Variants in EYA2 observed in about 807,000 individuals in gnomAD.
The protein encoded by EYA2 is protein phosphatase EYA2.
EYA2 carries 31 observed loss-of-function variants against 69.2 expected under a neutral mutation model. The observed-to-expected ratio is 0.45, with a 90% CI of 0.34 to 0.60. The LOEUF is 0.60. Ranked by LOEUF, EYA2 falls within the 20% of genes least tolerant of loss-of-function variation. The pLI is 0.02. For missense variants in EYA2, 622 were observed against 701.2 expected, an observed-to-expected ratio of 0.89 and a Z score of 1.28; for synonymous variants, 257 against 279.4, an observed-to-expected ratio of 0.92 and a Z score of 0.80.
chr20:46,909,951 G>A (rs1220817890), intron 1 of EYA2, among the ~76,000 whole-genome samples: 1 of 152,138 alleles, frequency 6.6e-6, no homozygotes, highest in East Asian at 1.9e-4. Flanking sequence ...TTTAAGACCT[G>A]CTACTATTCT....
intron 5 of EYA2, among the ~76,000 whole-genome samples, chr20:47,062,867 C>A (rs1226455524): frequency 2.0e-5 from 3 of 152,162 alleles, no homozygotes; most frequent in Non-Finnish European, 4.4e-5. Context: ...GGGCTGAAGG[C>A]ATCTTTGAAC....
intron 1 of EYA2, among the ~76,000 whole-genome samples, chr20:46,974,534 G>A (rs1980336577): frequency 1.3e-5 from 2 of 152,094 alleles, no homozygotes; most frequent in South Asian, 4.1e-4. Context: ...TGCAACCTGA[G>A]GATTCTCTTT....
chr20:46,986,680 T>C (rs1178977967), intron 1 of EYA2, among the ~76,000 whole-genome samples: 1 of 152,046 alleles, frequency 6.6e-6, no homozygotes, highest in Non-Finnish European at 1.5e-5. Context: ...CTTTTACTCA[T>C]AGTGGAAGGT....
At chr20:47,150,239 C>T (rs1472440159) in intron 10 of EYA2, among the ~76,000 whole-genome samples, 1 of 152,208 alleles carries the variant, frequency 6.6e-6, no homozygotes, top group African/African-American at 2.4e-5. Context: ...CTTCACTCCC[C>T]TTGCCATTAC....
chr20:47,131,443 T>G (rs139874229), intron 9 of EYA2, among the ~76,000 whole-genome samples: 17 of 152,282 alleles, frequency 1.1e-4, no homozygotes, highest in Non-Finnish European at 2.2e-4. Flanking sequence ...ATTTGGCAAT[T>G]TTATAATTGC....
intron 1 of EYA2, among the ~76,000 whole-genome samples, chr20:46,917,032 G>A (rs1459515521): frequency 1.3e-5 from 2 of 152,130 alleles, no homozygotes; most frequent in Admixed American, 1.3e-4. Context: ...TATGTTAAAT[G>A]ATATAGTTTG....
chr20:47,037,936 C>T (rs1048200423), intron 5 of EYA2, among the ~76,000 whole-genome samples: 1 of 152,186 alleles, frequency 6.6e-6, no homozygotes, highest in African/African-American at 2.4e-5. Context: ...TTTGTTCTCT[C>T]TACCACACGT....
intron 9 of EYA2, among the ~76,000 whole-genome samples, chr20:47,099,899 C>T (rs150132330): frequency 3.3e-5 from 5 of 151,822 alleles, no homozygotes; most frequent in African/African-American, 4.8e-5. Context: ...TTTTTATTTC[C>T]CCAACCACGC....
chr20:46,972,648 T>G (rs1244595563), intron 1 of EYA2, among the ~76,000 whole-genome samples: 3 of 152,128 alleles, frequency 2.0e-5, no homozygotes, highest in African/African-American at 7.2e-5. Context: ...TGGGGACCCT[T>G]TTTATCCCCA....
intron 5 of EYA2, among the ~76,000 whole-genome samples, chr20:47,019,948 G>A (rs1203411862): frequency 7.0e-6 from 1 of 142,578 alleles, no homozygotes; most frequent in Non-Finnish European, 1.5e-5. Flanking sequence ...TCCAGCCTGA[G>A]CAATAGAGCA....
intron 1 of EYA2, among the ~76,000 whole-genome samples, chr20:46,921,943 A>G (rs1207988327): frequency 6.6e-6 from 1 of 152,188 alleles, no homozygotes; most frequent in Non-Finnish European, 1.5e-5. Context: ...GCTTCCTCTG[A>G]TCACAGTAAA....
intron 10 of EYA2, among the ~76,000 whole-genome samples, chr20:47,150,666 T>A (rs1450960713): frequency 6.6e-6 from 1 of 151,970 alleles, no homozygotes; most frequent in Non-Finnish European, 1.5e-5. Flanking sequence ...TGGAGTCTCC[T>A]ATGCTACCCA....
intron 7 of EYA2, among the ~76,000 whole-genome samples, chr20:47,084,286 A>C (rs1033525521): frequency 6.6e-6 from 1 of 152,164 alleles, no homozygotes; most frequent in African/African-American, 2.4e-5. Context: ...CACGCCTCTA[A>C]TCCCAGCACT....
intron 4 of EYA2, among the ~76,000 whole-genome samples, chr20:47,014,192 G>A (rs1983259217): frequency 6.6e-6 from 1 of 152,090 alleles, no homozygotes; most frequent in Admixed American, 6.6e-5. Flanking sequence ...TGGGGTTGCA[G>A]GAGAAACTTT....
intron 1 of EYA2, among the ~76,000 whole-genome samples, chr20:46,955,138 AT>A (rs34188905): frequency 0.36 from 50,503 of 139,338 alleles, 9,275 homozygotes; most frequent in Admixed American, 0.5. Flanking sequence ...TCATGCAGTC[AT>A]TTTTTTTTTT....
intron 10 of EYA2, among the ~76,000 whole-genome samples, chr20:47,167,996 G>A (rs999820769): frequency 2.0e-5 from 3 of 151,990 alleles, no homozygotes; most frequent in East Asian, 1.9e-4. Flanking sequence ...AGCAGCTCCC[G>A]GCTTAATCCA....
At chr20:47,133,310 A>G (rs752944077) in intron 9 of EYA2, among the ~76,000 whole-genome samples, 2 of 152,190 alleles carry the variant, frequency 1.3e-5, no homozygotes, top group Non-Finnish European at 2.9e-5. Flanking sequence ...GCCAATGCCC[A>G]TTGGCTCATA....
At chr20:47,182,117 G>A (rs1322387278) in intron 14 of EYA2, among the ~76,000 whole-genome samples, 1 of 151,946 alleles carries the variant, frequency 6.6e-6, no homozygotes, top group Admixed American at 6.6e-5. Context: ...CTGGGTTCAA[G>A]CAGTTCTCCT....
intron 2 of EYA2, among the ~76,000 whole-genome samples, chr20:46,995,113 C>T (rs1274626553): frequency 6.6e-6 from 1 of 152,110 alleles, no homozygotes; most frequent in African/African-American, 2.4e-5. Context: ...GTTGGCCAGG[C>T]TGGTCTTGAA....
Sources: gnomAD v4.1 joint callset for allele counts (sites outside exome capture counted in the v4.1 genomes callset) on GRCh38, gnomAD v4.1.1 for gene constraint, MANE v1.5 for transcripts, NCBI Gene and HGNC (gene_info 2026-07-23, HGNC 2026-07-21) for gene names.